Variants in ITGB5 observed in about 807,000 individuals in gnomAD.
ITGB5 encodes the protein integrin beta-5.
ITGB5 carries 38 observed loss-of-function variants against 84.8 expected under a neutral mutation model. The ratio of observed to expected loss-of-function variants is 0.45; its 90% CI spans 0.35 to 0.59. The LOEUF (loss-of-function observed/expected upper bound fraction) is 0.59, where lower values mean the gene tolerates loss of function less well. ITGB5 is among the 20% of genes least tolerant of loss of function. The pLI is 0.01. For missense variants in ITGB5, 905 were observed against 1,034.5 expected, an observed-to-expected ratio of 0.87 and a Z score of 1.72; for synonymous variants, 393 against 414.4, an observed-to-expected ratio of 0.95 and a Z score of 0.63.
At chr3:124,774,263 T>TTAC (rs2063890816) in intron 10 of ITGB5, among the ~76,000 whole-genome samples, 2 of 152,216 alleles carry the variant, frequency 1.3e-5, no homozygotes, top group Non-Finnish European at 2.9e-5. Flanking sequence ...AGTATCACTG[T>TTAC]TACTTTCTAC....
chr3:124,762,626 C>G lies in ITGB5; in HGVS notation c.*997G>C, dbSNP rs1197180961. ...ATTGCTAATGATGATTAAGAGATGA[C>G]TTCGTGTGGGAACCACCACTCAACC... On this transcript the variant is annotated 3_prime_UTR_variant, in exon 15 of 15. Coordinates refer to ENST00000296181, the MANE Select transcript of ITGB5 (RefSeq NM_002213.5). 2 of 152,244 alleles carry G rather than the reference C, an allele frequency of 1.3e-5. No individual in the cohort carries two copies. The highest frequency in any genetic ancestry group is 2.9e-5 in the Non-Finnish European group (2 of 68,060). The allele number at this position is 152,244 out of a possible 1,614,324, so 9.4% of individuals were successfully genotyped here.
intron 1 of ITGB5, among the ~76,000 whole-genome samples, chr3:124,898,231 T>C (rs1935145810): frequency 2.6e-5 from 4 of 151,372 alleles, no homozygotes; most frequent in African/African-American, 9.7e-5. Context: ...TTTTTTTTTT[T>C]AACTTGAGAC....
intron 10 of ITGB5, chr3:124,792,891 T>G (rs1217844234): frequency 6.6e-6 from 1 of 152,176 alleles, no homozygotes; most frequent in Non-Finnish European, 1.5e-5. Flanking sequence ...AAGCTGCATT[T>G]TCACGCAGCT....
chr3:124,780,308 G>A (rs533821288), intron 10 of ITGB5, among the ~76,000 whole-genome samples: 10 of 152,322 alleles, frequency 6.6e-5, no homozygotes, highest in South Asian at 4.1e-4. Flanking sequence ...TAGCAGGACC[G>A]CAGTGGGGCT....
intron 1 of ITGB5, among the ~76,000 whole-genome samples, chr3:124,893,822 G>A (rs1439634622): frequency 6.6e-6 from 1 of 152,166 alleles, no homozygotes; most frequent in Non-Finnish European, 1.5e-5. Context: ...TACCAAACAA[G>A]TCTCGACAGA....
rs561099649 is a variant in ITGB5, at chr3:124,876,513, G to A, written c.71-2982C>T. On this transcript the variant is annotated intron_variant, in intron 1 of 14. Transcript: ENST00000296181. ...CAGAGGGGTGGGTGCAGGAGGTGGTGGTAGGGGAAGGAAGCTTTATCATGT... is the reference window on the plus strand; with the variant it reads ...CAGAGGGGTGGGTGCAGGAGGTGGTAGTAGGGGAAGGAAGCTTTATCATGT... Among the ~76,000 whole-genome samples, 6 of 152,272 alleles carry A rather than the reference G, an allele frequency of 3.9e-5. 1 individual carries two copies. The South Asian group carries it at 1.0e-3, about 26-fold the overall frequency.
At chr3:124,852,311 G>A (rs1015525841) in intron 3 of ITGB5, among the ~76,000 whole-genome samples, 2 of 151,932 alleles carry the variant, frequency 1.3e-5, no homozygotes, top group Non-Finnish European at 2.9e-5. Context: ...CCTTCTCTCT[G>A]GGGCTGTTCC....
chr3:124,880,629 T>A (rs1934523992), intron 1 of ITGB5, among the ~76,000 whole-genome samples: 1 of 151,906 alleles, frequency 6.6e-6, no homozygotes, highest in African/African-American at 2.4e-5. Flanking sequence ...AAAAAATAAA[T>A]AAATAAATAA....
At chr3:124,793,348 ATATC>A (rs1487178312) in intron 10 of ITGB5, among the ~76,000 whole-genome samples, 1 of 152,204 alleles carries the variant, frequency 6.6e-6, no homozygotes, top group Non-Finnish European at 1.5e-5. Flanking sequence ...ACGTTTGCTA[ATATC>A]TCTTTAAAAG....
At chr3:124,783,121 T>C (rs997355878) in intron 10 of ITGB5, among the ~76,000 whole-genome samples, 6 of 151,628 alleles carry the variant, frequency 4.0e-5, no homozygotes, top group Non-Finnish European at 7.4e-5. Context: ...TAAAACCCCA[T>C]CTCTACTAAA....
intron 9 of ITGB5, among the ~76,000 whole-genome samples, chr3:124,798,728 C>T (rs1014558150): frequency 3.9e-5 from 6 of 152,190 alleles, no homozygotes; most frequent in Non-Finnish European, 5.9e-5. Flanking sequence ...GCCCGGCCCA[C>T]GATGTTCATT....
chr3:124,771,671 C>T (rs1398817589), intron 11 of ITGB5, among the ~76,000 whole-genome samples: 1 of 147,530 alleles, frequency 6.8e-6, no homozygotes, highest in African/African-American at 2.5e-5. Context: ...TCACTTGAGC[C>T]CAGGAGTTCA....
At chr3:124,851,608 AACACACAC>A (rs3836319) in intron 3 of ITGB5, among the ~76,000 whole-genome samples, 5 of 145,934 alleles carry the variant, frequency 3.4e-5, no homozygotes, top group East Asian at 2.0e-4. Context: ...TCAGTAAGAA[AACACACAC>A]ACACACACAC....
chr3:124,887,783 C>T (rs1159642393), upstream of ITGB5: 5 of 362,688 alleles, frequency 1.4e-5, no homozygotes, highest in Non-Finnish European at 2.3e-5. Context: ...GCCTCATCCT[C>T]CCAAAGCCTC....
At chr3:124,838,497 T>G (rs984318059) in intron 5 of ITGB5, among the ~76,000 whole-genome samples, 10 of 152,240 alleles carry the variant, frequency 6.6e-5, no homozygotes, top group African/African-American at 2.2e-4. Context: ...AACATTGGGT[T>G]GTATCTTCCC....
At chr3:124,900,068 C>T (rs62267667) in intron 1 of ITGB5, among the ~76,000 whole-genome samples, 33,275 of 152,018 alleles carry the variant, frequency 0.22, 3,806 homozygotes, top group South Asian at 0.27. Flanking sequence ...ACTCTATTTG[C>T]ATCTGGCACC....
At chr3:124,859,516 G>T in intron 2 of ITGB5, 70 bp from the exon 3 acceptor site, 1 of 1,219,480 alleles carries the variant, frequency 8.2e-7, no homozygotes, top group Non-Finnish European at 1.2e-6. Flanking sequence ...GCATGTCGTG[G>T]CTGCGTCTCC....
At chr3:124,855,111 G>A (rs752098096) in intron 3 of ITGB5, among the ~76,000 whole-genome samples, 9 of 152,190 alleles carry the variant, frequency 5.9e-5, no homozygotes, top group African/African-American at 9.6e-5. Context: ...CCAGGAGTTC[G>A]AGACCAGCTT....
rs900380378 is a variant in ITGB5 at position 124,770,840 on chromosome 3, G to T, written c.1917-1727C>A. ...GCGGGCAGCTGAGACCTGGCTGGGG[G>T]CCAGGAAGGGGTGGTTCCAGCTTCA... On this transcript the variant is annotated intron_variant, in intron 11 of 14. Transcript: ENST00000296181. Among the ~76,000 whole-genome samples the T allele has an allele frequency of 2.2e-4, 34 of 152,198 alleles. 1 individual carries two copies. The highest frequency in any genetic ancestry group is 7.2e-4 in the African/African-American group (30 of 41,436).
Sources: allele counts gnomAD v4.1 joint callset (sites outside exome capture counted in the v4.1 genomes callset), GRCh38; gene constraint gnomAD v4.1.1; transcripts MANE v1.5; gene names NCBI Gene and HGNC (gene_info 2026-07-23, HGNC 2026-07-21).